The following EIF4A1 variants were observed in gnomAD, a reference collection of about 807,000 sequenced individuals.
EIF4A1 encodes eukaryotic initiation factor 4A-I.
Under a neutral mutation model 53.5 loss-of-function variants are expected in EIF4A1, and 11 were observed. That is an observed-to-expected ratio of 0.21 (90% CI 0.13 to 0.34). EIF4A1 has a LOEUF of 0.34. Among genes scored for constraint, EIF4A1 ranks in the 10% least tolerant of loss-of-function variants. The probability of loss-of-function intolerance (pLI) is 1.00; values close to 1 mark genes in which losing one functional copy is unlikely to be tolerated. For synonymous variants in EIF4A1, 237 were observed against 186.7 expected (o/e 1.27, Z -2.20); for missense variants, 213 against 530.8 (o/e 0.40, Z 5.88).
At chr17:7,573,104 A>G in intron 1 of EIF4A1, 1 of 632,984 alleles carries the variant, frequency 1.6e-6, no homozygotes, top group Non-Finnish European at 2.7e-6. Context: ...CGAGGCCTCG[A>G]CCCGAGGCGG....
At chr17:7,575,330 G>T (rs1162371557) in intron 4 of EIF4A1, 72 bp downstream of exon 4, 6 of 1,603,920 alleles carry the variant, frequency 3.7e-6, no homozygotes, top group Non-Finnish European at 2.5e-6. Context: ...GACCAGAGAA[G>T]TCTTCTCTGA....
In EIF4A1 at chr17:7,578,838, CTG is replaced by C; in HGVS notation, c.*353_*354del. On this transcript the variant is annotated 3_prime_UTR_variant, in exon 11 of 11. Coordinates refer to ENST00000293831, the MANE Select transcript of EIF4A1 (RefSeq NM_001416.4). ...CTCAGCCTCATTTGCTGGACCAAAT[CTG>C]GAGGGAGAACCCCTAAAACCCCTAA... 2 of 179,848 alleles carry C rather than the reference CTG, an allele frequency of 1.1e-5. No homozygotes were observed. Among genetic ancestry groups the C allele is most frequent in the Non-Finnish European group, 2.3e-5 (2 of 85,558 alleles). 11.1% of individuals were successfully genotyped at this position (179,848 alleles called of 1,614,324 possible). A position where few individuals can be genotyped will look rare whatever the true frequency, so the allele number is the denominator to read the frequency against.
At chr17:7,575,045 C>G in intron 3 of EIF4A1, 74 bp from the exon 4 acceptor site, 1 of 1,580,516 alleles carries the variant, frequency 6.3e-7, no homozygotes, top group Non-Finnish European at 8.6e-7. Context: ...GCTTATTGAC[C>G]TCATTAACCT....
chr17:7,574,277 C>T lies in EIF4A1; in HGVS notation c.41C>T (p.Pro14Leu), dbSNP rs1274044005. The T allele has an allele frequency of 1.9e-6, 3 of 1,614,042 alleles. No homozygotes were observed. Among genetic ancestry groups the T allele is most frequent in the Middle Eastern group, 1.6e-4 (1 of 6,084 alleles). ...ACCAACAGATCCAGAGACAATGGCC[C>T]CGATGGGATGGAGCCCGAAGGCGTC... ...SQDSRSRDNG[P>L]DGMEPEGVIE... The change falls in exon 2 of 11, where the codon CCC becomes CTC. Residue 14 changes from proline to leucine, a missense_variant. Coordinates refer to ENST00000293831, the MANE Select transcript of EIF4A1 (RefSeq NM_001416.4).
chr17:7,572,927 G>A (rs1597845463), intron 1 of EIF4A1, 63 bp downstream of exon 1: 13 of 1,613,914 alleles, frequency 8.1e-6, no homozygotes, highest in Non-Finnish European at 1.1e-5. Flanking sequence ...CGACGGGCCC[G>A]CCGGGGGTAG....
At position 7,574,023 on chromosome 17, in the gene EIF4A1, A is replaced by T. The variant is rs2071365332; in HGVS notation, c.24-237A>T. ...GCGGCACGCCTGCCGGCCTGTCTTC[A>T]GAAAGGGTCACCCCCTTATGTCGGG... On this transcript the variant is annotated intron_variant, in intron 1 of 10. Coordinates refer to ENST00000293831, the MANE Select transcript of EIF4A1 (RefSeq NM_001416.4). 11 of 540,850 alleles carry T rather than the reference A, an allele frequency of 2.0e-5. No individual in the cohort carries two copies. The Admixed American group carries it at 2.3e-4, about 11-fold the overall frequency. The allele number at this position is 540,850 out of a possible 1,614,324, so 33.5% of individuals were successfully genotyped here.
chr17:7,574,388 T>C (rs941732463), intron 2 of EIF4A1, 80 bp downstream of exon 2: 326 of 1,609,826 alleles, frequency 2.0e-4, no homozygotes, highest in Non-Finnish European at 2.7e-4. Context: ...TCTTGATTGA[T>C]TTCCCAGATC....
rs2071413977 is a variant in EIF4A1 at position 7,577,185 on chromosome 17, A to T, written c.624+20A>T. 2 of 1,580,576 alleles carry T rather than the reference A, an allele frequency of 1.3e-6. No homozygotes were observed. The highest frequency in any genetic ancestry group is 1.7e-6 in the Non-Finnish European group (2 of 1,166,728). ...ACCCAGGTGAGGGCAGTCTTGCTTGAATAGCTAATGATTCTTGAAAAATAG... is the reference window on the plus strand; with the variant it reads ...ACCCAGGTGAGGGCAGTCTTGCTTGTATAGCTAATGATTCTTGAAAAATAG... On this transcript the variant is annotated intron_variant, in intron 6 of 10. Transcript: ENST00000293831. This position sits in a 1 kb window ranked among gnomAD's most constrained non-coding sequence, Gnocchi z 4.7.
intron 1 of EIF4A1, 126 bp downstream of exon 1, chr17:7,572,990 C>T: frequency 1.3e-6 from 2 of 1,566,078 alleles, no homozygotes; most frequent in Non-Finnish European, 8.8e-7. Context: ...GGGGGAGGGT[C>T]CGACTTGGAG....
chr17:7,578,767 T>C lies in EIF4A1; in HGVS notation c.*281T>C, dbSNP rs984636868. ...AACCTCCAGATCCCAGAGGCTCTCC[T>C]CACCTCAGCTGAGCTCCTTTGAAAG... is the stretch of plus-strand genomic sequence containing the variant. On this transcript the variant is annotated 3_prime_UTR_variant, in exon 11 of 11. Transcript: ENST00000293831. The C allele has an allele frequency of 2.0e-5, 5 of 248,776 alleles. No homozygotes were observed. The highest frequency in any genetic ancestry group is 6.9e-5 in the African/African-American group (3 of 43,644). 15.4% of individuals were successfully genotyped at this position (248,776 alleles called of 1,614,324 possible).
chr17:7,577,254 T>C lies in EIF4A1; in HGVS notation c.624+89T>C. On this transcript the variant is annotated intron_variant, in intron 6 of 10. Transcript: ENST00000293831. This position sits in a 1 kb window ranked among gnomAD's most constrained non-coding sequence, Gnocchi z 4.7. ...TATACTGGATTCTTGAGCCTTTTTA[T>C]GCATCTGCTTCAGTTTTAGGTGTGG... 3 of 1,572,686 alleles carry C rather than the reference T, an allele frequency of 1.9e-6. No homozygotes were observed. Among genetic ancestry groups the C allele is most frequent in the Non-Finnish European group, 2.6e-6 (3 of 1,161,672 alleles).
rs1436395558 is a variant in EIF4A1 at position 7,574,162 on chromosome 17, G to A, written c.24-98G>A. 4 of 1,407,466 alleles carry A rather than the reference G, an allele frequency of 2.8e-6. No homozygotes were observed. In the African/African-American group the frequency reaches 4.3e-5, roughly 15 times the overall value. 87.2% of individuals were successfully genotyped at this position (1,407,466 alleles called of 1,614,324 possible). On this transcript the variant is annotated intron_variant, in intron 1 of 10. Coordinates refer to ENST00000293831, the MANE Select transcript of EIF4A1 (RefSeq NM_001416.4). ...GGAGTTGGATCTGGGACAGCAGATT[G>A]ATGGCATCATGCAGGCCACTCCTGA...
intron 5 of EIF4A1, 154 bp from the exon 6 acceptor site, chr17:7,576,902 T>C (rs2071409355): frequency 7.5e-7 from 1 of 1,329,096 alleles, no homozygotes; most frequent in Non-Finnish European, 1.1e-6. Context: ...GGCTGTTGTC[T>C]GCCTGGCGGG....
intron 2 of EIF4A1, 71 bp downstream of exon 2, chr17:7,574,379 C>G: frequency 1.2e-6 from 2 of 1,610,986 alleles, no homozygotes; most frequent in Non-Finnish European, 1.7e-6. Flanking sequence ...AGAGTGGCCT[C>G]TTGATTGATT....
intron 1 of EIF4A1, 145 bp downstream of exon 1, chr17:7,573,009 G>C: frequency 6.8e-7 from 1 of 1,472,608 alleles, no homozygotes; most frequent in Non-Finnish European, 9.5e-7. Context: ...AGGGGCGAGG[G>C]GGAAGACCCA....
At chr17:7,575,020 C>G in intron 3 of EIF4A1, 99 bp from the exon 4 acceptor site, 1 of 1,497,292 alleles carries the variant, frequency 6.7e-7, no homozygotes, top group Non-Finnish European at 9.1e-7. Context: ...CCATGAAATG[C>G]TTGGTTCATT....
chr17:7,578,522 A>C lies in EIF4A1; in HGVS notation c.*36A>C. 5 of 1,542,102 alleles carry C rather than the reference A, an allele frequency of 3.2e-6. No homozygotes were observed. The highest frequency in any genetic ancestry group is 4.4e-6 in the Non-Finnish European group (5 of 1,142,936). ...TGCCACCCAGCCCCAGCCAGGGCTCAATCTCTGGGGGCTGAGGAGCAGCAG... is the reference window on the plus strand; with the variant it reads ...TGCCACCCAGCCCCAGCCAGGGCTCCATCTCTGGGGGCTGAGGAGCAGCAG... On this transcript the variant is annotated 3_prime_UTR_variant, in exon 11 of 11. Transcript: ENST00000293831.
chr17:7,578,317 C>G (rs770436401), intron 10 of EIF4A1, 25 bp from the exon 11 acceptor site: 5 of 1,612,976 alleles, frequency 3.1e-6, no homozygotes, highest in Non-Finnish European at 4.2e-6. Context: ...TCCTGATATT[C>G]CTCATCCCCT....
chr17:7,576,816 G>GTGATGGAGCCCATGCGT (rs764030998), intron 5 of EIF4A1, 124 bp downstream of exon 5: 18 of 1,513,788 alleles, frequency 1.2e-5, no homozygotes, highest in African/African-American at 2.8e-5. Context: ...GAGCTGCTCT[G>GTGATGGAGCCCATGCGT]TGATGGAGCC....
Sources: gnomAD v4.1 joint callset for allele counts on GRCh38, gnomAD v4.1.1 for gene constraint, Gnocchi (gnomAD v3.1) non-coding constraint, MANE v1.5 for transcripts, NCBI Gene and HGNC (gene_info 2026-07-23, HGNC 2026-07-21) for gene names.